The following AIG1 variants were observed in gnomAD, a reference collection of about 807,000 sequenced individuals.
The protein encoded by AIG1 is androgen-induced gene 1 protein.
In AIG1, 23 loss-of-function variants were observed where a neutral mutation model predicts 31.4. That is an observed-to-expected ratio of 0.73 (90% CI 0.53 to 1.04). The LOEUF is 1.04. Ranked by LOEUF, AIG1 falls within the 50% of genes least tolerant of loss-of-function variation. AIG1 has a pLI of 0.00. For missense variants in AIG1, 274 were observed against 295.0 expected, an observed-to-expected ratio of 0.93 and a Z score of 0.52; for synonymous variants, 100 against 110.5, an observed-to-expected ratio of 0.90 and a Z score of 0.60.
rs1798156865 is a variant in AIG1, at chr6:143,292,972, C to G, written c.515+8747C>G. 6.6e-6 allele frequency among the ~76,000 whole-genome samples: 1 copy of G among 152,190 alleles called. No individual in the cohort carries two copies. Among genetic ancestry groups the G allele is most frequent in the South Asian group, 2.1e-4 (1 of 4,822 alleles). ...GTCTAGATCTTTGAAGTTAGATGCT[C>G]CTTGTTTAGTTCCCGTCTTCCTCGG... On this transcript the variant is annotated intron_variant, in intron 4 of 5. Coordinates refer to ENST00000357847, the MANE Select transcript of AIG1 (RefSeq NM_016108.4). This position sits in a 1 kb window ranked among gnomAD's most constrained non-coding sequence, Gnocchi z 4.9.
At chr6:143,221,789 C>T (rs1479650051) in intron 3 of AIG1, among the ~76,000 whole-genome samples, 1 of 152,114 alleles carries the variant, frequency 6.6e-6, no homozygotes, top group Non-Finnish European at 1.5e-5. Flanking sequence ...AGCAGTGCCT[C>T]GGAGAGACTT....
chr6:143,306,560 T>G (rs958946974), intron 4 of AIG1, among the ~76,000 whole-genome samples: 1 of 152,210 alleles, frequency 6.6e-6, no homozygotes, highest in Non-Finnish European at 1.5e-5. Flanking sequence ...GAGTTTCTGC[T>G]GAGAGATCCA....
At position 143,329,413 on chromosome 6, in the gene AIG1, A is replaced by G. The variant is rs1583889649; in HGVS notation, c.516-3869A>G. ...TACATCTCATGTTTATAAGCACCAC[A>G]CTCAGAAGAGCTGTCTGCTTCTCTG... On this transcript the variant is annotated intron_variant, in intron 4 of 5. Transcript: ENST00000357847. The surrounding 1 kb of genome is among the most constrained non-coding windows in gnomAD (Gnocchi z 4.9). Among the ~76,000 whole-genome samples, 1 of 152,248 alleles carries G rather than the reference A, an allele frequency of 6.6e-6. No individual in the cohort carries two copies. Among genetic ancestry groups the G allele is most frequent in the Non-Finnish European group, 1.5e-5 (1 of 68,048 alleles).
intron 1 of AIG1, among the ~76,000 whole-genome samples, chr6:143,083,454 A>G (rs1301924998): frequency 6.6e-6 from 1 of 152,210 alleles, no homozygotes; most frequent in Non-Finnish European, 1.5e-5. Flanking sequence ...ACAGGGATGC[A>G]GAAAAAAGCA....
At chr6:143,309,437 C>A (rs952473327) in intron 4 of AIG1, among the ~76,000 whole-genome samples, 1 of 151,778 alleles carries the variant, frequency 6.6e-6, no homozygotes. Context: ...GTTACAAAGG[C>A]AACAACTTAT....
chr6:143,150,462 A>T (rs974127178), intron 2 of AIG1, among the ~76,000 whole-genome samples: 12 of 152,146 alleles, frequency 7.9e-5, no homozygotes, highest in African/African-American at 2.9e-4. Flanking sequence ...CTGGAAGAGG[A>T]TCTTACCTAA....
At chr6:143,196,640 T>C (rs1279322097) in intron 3 of AIG1, among the ~76,000 whole-genome samples, 2 of 152,164 alleles carry the variant, frequency 1.3e-5, no homozygotes, top group Admixed American at 1.3e-4. Flanking sequence ...GGCATTGGAC[T>C]TTGGGCTCCA....
intron 4 of AIG1, among the ~76,000 whole-genome samples, chr6:143,321,783 A>G (rs1320757038): frequency 6.6e-6 from 1 of 152,152 alleles, no homozygotes; most frequent in Non-Finnish European, 1.5e-5. Context: ...TTAAAAAGGA[A>G]CACTACAACA....
chr6:143,117,198 A>G (rs768558888), intron 1 of AIG1, among the ~76,000 whole-genome samples: 57 of 152,086 alleles, frequency 3.7e-4, no homozygotes, highest in Non-Finnish European at 4.3e-4. Context: ...GTGGCACTGG[A>G]GCAGAGCGTG....
intron 1 of AIG1, among the ~76,000 whole-genome samples, chr6:143,119,250 G>T (rs1290966660): frequency 6.6e-6 from 1 of 152,132 alleles, no homozygotes; most frequent in East Asian, 1.9e-4. Context: ...GCCTATAAAT[G>T]CTCAATTTAA....
chr6:143,234,085 A>G (rs1793642187), intron 3 of AIG1, among the ~76,000 whole-genome samples: 1 of 152,006 alleles, frequency 6.6e-6, no homozygotes, highest in South Asian at 2.1e-4. Context: ...AGGCAATGAT[A>G]CTCTGAAAAC....
intron 4 of AIG1, among the ~76,000 whole-genome samples, chr6:143,305,740 T>G (rs535593901): frequency 6.6e-6 from 1 of 152,260 alleles, no homozygotes; most frequent in East Asian, 1.9e-4. Context: ...GTCTATTAGG[T>G]CCACTTGGTG....
At chr6:143,302,377 C>G (rs1798890151) in intron 4 of AIG1, among the ~76,000 whole-genome samples, 1 of 151,740 alleles carries the variant, frequency 6.6e-6, no homozygotes, top group Admixed American at 6.6e-5. Flanking sequence ...TCCCCACTCC[C>G]CCCGACCCCA....
chr6:143,305,407 A>T (rs1799195241), intron 4 of AIG1, among the ~76,000 whole-genome samples: 1 of 151,712 alleles, frequency 6.6e-6, no homozygotes, highest in South Asian at 2.1e-4. Context: ...TGTGTCCCAG[A>T]GATTCTGGTA....
intron 2 of AIG1, among the ~76,000 whole-genome samples, chr6:143,150,645 C>T (rs1335570697): frequency 6.6e-6 from 1 of 151,846 alleles, no homozygotes; most frequent in Non-Finnish European, 1.5e-5. Context: ...TAGATCTGGT[C>T]AGTAATGTTT....
chr6:143,157,631 A>G (rs1785924945), intron 2 of AIG1, among the ~76,000 whole-genome samples: 1 of 151,996 alleles, frequency 6.6e-6, no homozygotes, highest in East Asian at 1.9e-4. Flanking sequence ...CACCAAAGGC[A>G]ATTTTTCCTT....
intron 2 of AIG1, among the ~76,000 whole-genome samples, chr6:143,156,283 C>T (rs1259076299): frequency 1.3e-5 from 2 of 152,136 alleles, no homozygotes; most frequent in African/African-American, 4.8e-5. Flanking sequence ...CTTGAGTAAA[C>T]TATGGTACAT....
chr6:143,236,806 A>C (rs1793839491), intron 3 of AIG1, among the ~76,000 whole-genome samples: 1 of 152,194 alleles, frequency 6.6e-6, no homozygotes, highest in Non-Finnish European at 1.5e-5. Context: ...GTTTGCTCTA[A>C]ACCACATGTA....
At position 143,094,793 on chromosome 6, in the gene AIG1, GA is replaced by G. The variant is rs200065747; in HGVS notation, c.141+33729del. On this transcript the variant is annotated intron_variant, in intron 1 of 5. Coordinates refer to ENST00000357847, the MANE Select transcript of AIG1 (RefSeq NM_016108.4). ...TATGCAACCATTGAAAATTATTGTA[GA>G]ACAAAGGAAATATATATCATCCTGA... Among the ~76,000 whole-genome samples, 1,513 of 151,430 alleles carry G rather than the reference GA, an allele frequency of 1.0e-2. 33 individuals carry two copies. Among genetic ancestry groups the G allele is most frequent in the African/African-American group, 0.035 (1,446 of 41,382 alleles).
Sources: gnomAD v4.1 joint callset for allele counts (sites outside exome capture counted in the v4.1 genomes callset) on GRCh38, gnomAD v4.1.1 for gene constraint, Gnocchi (gnomAD v3.1) non-coding constraint, MANE v1.5 for transcripts, NCBI Gene and HGNC (gene_info 2026-07-23, HGNC 2026-07-21) for gene names.